Variants in ANKRD50 observed in about 807,000 individuals in gnomAD.
ANKRD50 encodes the protein ankyrin repeat domain 50, also known as ankyrin repeat domain-containing protein 50.
ANKRD50 carries 40 observed loss-of-function variants against 112.0 expected under a neutral mutation model. That is an observed-to-expected ratio of 0.36 (90% CI 0.28 to 0.46). The LOEUF (loss-of-function observed/expected upper bound fraction) is 0.46, where lower values mean the gene tolerates loss of function less well. ANKRD50 is among the 20% of genes least tolerant of loss of function. The probability of loss-of-function intolerance (pLI) is 1.00; values close to 1 mark genes in which losing one functional copy is unlikely to be tolerated. For synonymous variants in ANKRD50, 613 were observed against 619.1 expected (o/e 0.99, Z 0.15); for missense variants, 1,487 against 1,701.7 (o/e 0.87, Z 2.22).
At chr4:124,683,751 C>G (rs181911326) in intron 2 of ANKRD50, among the ~76,000 whole-genome samples, 1 of 138,384 alleles carries the variant, frequency 7.2e-6, no homozygotes, top group Non-Finnish European at 1.6e-5. Flanking sequence ...AGTGAGACTC[C>G]GTCTCAAAAA....
rs1193436370 is a variant in ANKRD50 at position 124,670,540 on chromosome 4, C to T, written c.2737G>A (p.Gly913Arg). The change falls in exon 4 of 5, where the codon GGA becomes AGA. Residue 913 changes from glycine to arginine, a missense_variant. Transcript: ENST00000504087. Reference protein sequence around the residue: ...KSNIDQRGYDGRNALRVAALE... With the variant: ...KSNIDQRGYDRRNALRVAALE... The stretch of plus-strand genomic sequence containing the variant: ...GCAGCAACCCGCAGTGCATTTCTTC[C>T]ATCATAACCTCTTTGATCAATGTTG... The T allele has an allele frequency of 1.2e-6, 2 of 1,612,932 alleles. No individual in the cohort carries two copies. Among genetic ancestry groups the T allele is most frequent in the African/African-American group, 2.7e-5 (2 of 74,834 alleles).
At chr4:124,694,333 T>C (rs1560828481) in intron 2 of ANKRD50, among the ~76,000 whole-genome samples, 2 of 152,098 alleles carry the variant, frequency 1.3e-5, no homozygotes, top group African/African-American at 2.4e-5. Context: ...TGTTAAAACA[T>C]AGCAGGGACA....
chr4:124,668,973 C>CA lies in ANKRD50; in HGVS notation c.*3+10dup. ...TTTTGTTTTTTACTCTTTATGTTGA[C>CA]AAAATATTACCTTTTATAATGGTGT... On this transcript the variant is annotated intron_variant, in intron 4 of 4. Coordinates refer to ENST00000504087, the MANE Select transcript of ANKRD50 (RefSeq NM_020337.3). 1 of 1,588,056 alleles carries CA rather than the reference C, an allele frequency of 6.3e-7. No homozygotes were observed. The highest frequency in any genetic ancestry group is 2.2e-5 in the East Asian group (1 of 44,702).
chr4:124,708,653 A>G (rs945917110), intron 2 of ANKRD50, among the ~76,000 whole-genome samples: 2 of 150,950 alleles, frequency 1.3e-5, no homozygotes, highest in Admixed American at 6.6e-5. Flanking sequence ...TCCTCTTCCC[A>G]TCAAGTCCCC....
rs980192230 is a variant in ANKRD50, at chr4:124,665,411, C to T, written c.*2107G>A. 1 of 152,234 alleles carries T rather than the reference C, an allele frequency of 6.6e-6. No homozygotes were observed. The highest frequency in any genetic ancestry group is 2.4e-5 in the African/African-American group (1 of 41,376). 9.4% of individuals were successfully genotyped at this position (152,234 alleles called of 1,614,324 possible). On this transcript the variant is annotated 3_prime_UTR_variant, in exon 5 of 5. Transcript: ENST00000504087. Reference sequence around the variant, plus strand: ...ATCTTCGCCCTTTGGACACAAGGTGCAATTTTGTAAAAACAATAAAATTAA... The same window carrying T: ...ATCTTCGCCCTTTGGACACAAGGTGTAATTTTGTAAAAACAATAAAATTAA...
chr4:124,710,236 C>T lies in ANKRD50; in HGVS notation c.276G>A (p.Trp92Ter). ...GKTALCTELL[W>*]PSSPASLQRG... ...TCTGCAAACTTGCAGGTGAACTTGG[C>T]CATAAGAGTTCAGTACATAGGGCCG... Residue 92 changes from tryptophan (W) to a stop codon, truncating the protein, a stop_gained, in exon 2 of 5, where the codon TGG becomes TGA. Transcript: ENST00000504087. LOFTEE classifies it high-confidence loss of function. 1 of 1,614,208 alleles carries T rather than the reference C, an allele frequency of 6.2e-7. No homozygotes were observed. The highest frequency in any genetic ancestry group is 8.5e-7 in the Non-Finnish European group (1 of 1,180,050).
At chr4:124,703,172 C>T (rs541397107) in intron 2 of ANKRD50, among the ~76,000 whole-genome samples, 25 of 151,874 alleles carry the variant, frequency 1.6e-4, no homozygotes, top group South Asian at 6.3e-4. Context: ...GGAGTCAGTG[C>T]GAGATTCTGA....
chr4:124,667,567 A>G (rs899638860), intron 4 of ANKRD50, 53 bp from the exon 5 acceptor site: 5 of 152,080 alleles, frequency 3.3e-5, no homozygotes, highest in South Asian at 2.1e-4. Flanking sequence ...ATACAGCTAC[A>G]TATCATTTTA....
chr4:124,672,066 T>C lies in ANKRD50; in HGVS notation c.1211A>G (p.Lys404Arg). 1.2e-6 allele frequency: 2 copies of C among 1,613,926 alleles called. No homozygotes were observed. Among genetic ancestry groups the C allele is most frequent in the Non-Finnish European group, 1.7e-6 (2 of 1,179,890 alleles). The change falls in exon 4 of 5, where the codon AAA (lysine) becomes AGA (arginine). Residue 404 changes from lysine to arginine, a missense_variant. Coordinates refer to ENST00000504087, the MANE Select transcript of ANKRD50 (RefSeq NM_020337.3). ...GGCAAAACTATAATGAAACAGTATT[T>C]TTGTATTTCCTAGTCCATCAACAAG... ...KLLVDGLGNT[K>R]ILFHYSFAEW...
rs1730493600 is a variant in ANKRD50, at chr4:124,666,466, C to G, written c.*1052G>C. ...TATTCATCCAGAATATTCATCCAAC[C>G]AAACCATTAAAATTAATCCAATTGA... On this transcript the variant is annotated 3_prime_UTR_variant, in exon 5 of 5. Coordinates refer to ENST00000504087, the MANE Select transcript of ANKRD50 (RefSeq NM_020337.3). The G allele has an allele frequency of 2.6e-5, 4 of 152,364 alleles. No homozygotes were observed. The South Asian group carries it at 8.3e-4, about 32-fold the overall frequency. 9.4% of individuals were successfully genotyped at this position (152,364 alleles called of 1,614,324 possible). A position where few individuals can be genotyped will look rare whatever the true frequency, so the allele number is the denominator to read the frequency against.
chr4:124,696,147 AATAG>A (rs1238632100), intron 2 of ANKRD50, among the ~76,000 whole-genome samples: 4 of 152,224 alleles, frequency 2.6e-5, no homozygotes, highest in African/African-American at 7.2e-5. Flanking sequence ...GATGGATAAA[AATAG>A]ATAAAGAATT....
chr4:124,674,295 G>A (rs971761047), intron 3 of ANKRD50, among the ~76,000 whole-genome samples: 1 of 151,740 alleles, frequency 6.6e-6, no homozygotes, highest in African/African-American at 2.4e-5. Flanking sequence ...AATACATTAT[G>A]AATAAATATC....
Position 124,678,912 on chromosome 4 carries a change from A to C in ANKRD50, c.513-7T>G, listed in dbSNP as rs376937587. On this transcript the variant is annotated splice_polypyrimidine_tract_variant and splice_region_variant and intron_variant, in intron 2 of 4. Transcript: ENST00000504087. ...AAGAGGGAGTAGAACACACCTGTAA[A>C]ACACATACACATGAGCATTTTGAAT... 48 of 1,577,958 alleles carry C rather than the reference A, an allele frequency of 3.0e-5. No individual in the cohort carries two copies. The African/African-American group carries it at 5.7e-4, about 19-fold the overall frequency.
Position 124,665,180 on chromosome 4 carries a change from C to T in ANKRD50, c.*2338G>A, listed in dbSNP as rs1241923601. 1 of 152,116 alleles carries T rather than the reference C, an allele frequency of 6.6e-6. No homozygotes were observed. The highest frequency in any genetic ancestry group is 1.5e-5 in the Non-Finnish European group (1 of 67,852). The allele number at this position is 152,116 out of a possible 1,614,324, so 9.4% of individuals were successfully genotyped here. A position where few individuals can be genotyped will look rare whatever the true frequency, so the allele number is the denominator to read the frequency against. On this transcript the variant is annotated 3_prime_UTR_variant, in exon 5 of 5. Transcript: ENST00000504087. ...AAGCAAGGCAGGGCATCTCCAGCAC[C>T]CATCCTATCATCCTTATCCTAACTC...
chr4:124,707,097 A>T (rs1725522424), intron 2 of ANKRD50, among the ~76,000 whole-genome samples: 1 of 151,980 alleles, frequency 6.6e-6, no homozygotes. Flanking sequence ...TAATGCAAAA[A>T]CTGGTTTTGG....
chr4:124,682,728 C>T (rs1435663415), intron 2 of ANKRD50, among the ~76,000 whole-genome samples: 5 of 142,448 alleles, frequency 3.5e-5, no homozygotes, highest in East Asian at 4.1e-4. Flanking sequence ...TAGCATGGTA[C>T]ATGTTTTTTA....
intron 2 of ANKRD50, among the ~76,000 whole-genome samples, chr4:124,708,693 CACACACACACACACACACACACACACAT>C (rs1725559372): frequency 2.9e-5 from 1 of 34,020 alleles, no homozygotes; most frequent in South Asian, 1.3e-3. Flanking sequence ...CTAACACATA[CACACACACACACACACACACACACACAT>C]ACACACACAC....
At chr4:124,692,806 T>C (rs908603042) in intron 2 of ANKRD50, among the ~76,000 whole-genome samples, 4 of 152,214 alleles carry the variant, frequency 2.6e-5, no homozygotes, top group African/African-American at 9.6e-5. Context: ...AAAAATGCTG[T>C]TGCTTATAAG....
At chr4:124,684,898 C>G (rs367844164) in intron 2 of ANKRD50, among the ~76,000 whole-genome samples, 1 of 152,046 alleles carries the variant, frequency 6.6e-6, no homozygotes, top group African/African-American at 2.4e-5. Context: ...CTTTTTCCCC[C>G]CCATTCAGGA....
Sources: gnomAD v4.1 joint callset for allele counts (sites outside exome capture counted in the v4.1 genomes callset) on GRCh38, gnomAD v4.1.1 for gene constraint, MANE v1.5 for transcripts, NCBI Gene and HGNC (gene_info 2026-07-23, HGNC 2026-07-21) for gene names.